The following TMTC2 variants were observed in gnomAD, a reference collection of about 807,000 sequenced individuals.
The protein encoded by TMTC2 is transmembrane O-mannosyltransferase targeting cadherins 2, also known as protein O-mannosyl-transferase TMTC2.
TMTC2 carries 43 observed loss-of-function variants against 82.4 expected under a neutral mutation model. The observed-to-expected ratio is 0.52, with a 90% confidence interval of 0.41 to 0.67. The LOEUF is 0.67. Ranked by LOEUF, TMTC2 falls within the 30% of genes least tolerant of loss-of-function variation. The pLI is 0.00. For synonymous variants in TMTC2, 408 were observed against 381.9 expected, an observed-to-expected ratio of 1.07 and a Z score of -0.80; for missense variants, 919 against 1,012.4, an observed-to-expected ratio of 0.91 and a Z score of 1.25.
At chr12:82,786,029 T>G (rs1184804479) in intron 1 of TMTC2, among the ~76,000 whole-genome samples, 1 of 152,106 alleles carries the variant, frequency 6.6e-6, no homozygotes, top group Non-Finnish European at 1.5e-5. Flanking sequence ...TTAAGTGTTT[T>G]TCATTGCCTG....
chr12:82,987,435 AG>A lies in TMTC2; in HGVS notation c.2070+1390del, dbSNP rs1879202424. Among the ~76,000 whole-genome samples the A allele has an allele frequency of 4.4e-3, 660 of 149,720 alleles. 7 individuals carry two copies. Among genetic ancestry groups the A allele is most frequent in the African/African-American group, 0.016 (634 of 40,498 alleles). The stretch of plus-strand genomic sequence containing the variant: ...ACTCCATCTCAAAAAAAAAAAAAAA[AG>A]AGAAAAAAAAAAAAGAAATCATATA... On this transcript the variant is annotated intron_variant, in intron 8 of 11. Coordinates refer to ENST00000321196, the MANE Select transcript of TMTC2 (RefSeq NM_152588.3).
At chr12:82,783,290 C>CTATGTGTGTGTGTG (rs1877999846) in intron 1 of TMTC2, among the ~76,000 whole-genome samples, 3 of 119,274 alleles carry the variant, frequency 2.5e-5, no homozygotes, top group African/African-American at 9.6e-5. Context: ...GTATATGCCT[C>CTATGTGTGTGTGTG]TGTGTGTGTG....
At chr12:82,926,008 A>C (rs1346090366) in intron 3 of TMTC2, among the ~76,000 whole-genome samples, 2 of 147,294 alleles carry the variant, frequency 1.4e-5, no homozygotes, top group African/African-American at 2.5e-5. Context: ...TTTTTGACAG[A>C]GTCTCACTCT....
intron 1 of TMTC2, among the ~76,000 whole-genome samples, chr12:82,749,457 C>G (rs540797627): frequency 3.9e-5 from 6 of 152,230 alleles, no homozygotes; most frequent in African/African-American, 1.4e-4. Flanking sequence ...GTTTAAAAAT[C>G]TGGACACAGC....
intron 8 of TMTC2, among the ~76,000 whole-genome samples, chr12:83,015,896 C>T (rs1880656640): frequency 1.3e-5 from 2 of 152,142 alleles, no homozygotes; most frequent in African/African-American, 2.4e-5. Context: ...GCCATTTGTG[C>T]GTGTTTTCCC....
chr12:83,033,805 CATAT>C (rs753840745), intron 9 of TMTC2, among the ~76,000 whole-genome samples: 2,911 of 137,238 alleles, frequency 0.021, 31 homozygotes, highest in Non-Finnish European at 0.025. Context: ...TATATATACA[CATAT>C]ATGTGTGTGT....
chr12:82,759,982 G>A (rs1015131668), intron 1 of TMTC2: 21 of 152,120 alleles, frequency 1.4e-4, no homozygotes, highest in African/African-American at 2.4e-5. Context: ...CAGAAGTACC[G>A]TGTATCTCAA....
At chr12:83,040,784 A>G (rs375244850) in intron 9 of TMTC2, among the ~76,000 whole-genome samples, 8 of 148,326 alleles carry the variant, frequency 5.4e-5, no homozygotes, top group African/African-American at 2.0e-4. Context: ...TCCCGGGTTC[A>G]TGCCATTCTC....
At position 82,827,668 on chromosome 12, in the gene TMTC2, CTTTTCTTTCTTTTA is replaced by C. The variant is rs1464585832; in HGVS notation, c.84-29329_84-29316del. Among the ~76,000 whole-genome samples, 3 of 151,122 alleles carry C rather than the reference CTTTTCTTTCTTTTA, an allele frequency of 2.0e-5. No individual in the cohort carries two copies. In the South Asian group the frequency reaches 6.3e-4, roughly 32 times the overall value. ...TCTTCTTTCTTTTTTCTTTTCTTTT[CTTTTCTTTCTTTTA>C]TTTTCTTTCTTTCTTTCTCTCTTTC... is the stretch of plus-strand genomic sequence containing the variant. On this transcript the variant is annotated intron_variant, in intron 1 of 11. Coordinates refer to ENST00000321196, the MANE Select transcript of TMTC2 (RefSeq NM_152588.3).
At chr12:83,100,733 G>T (rs1884190009) in intron 11 of TMTC2, among the ~76,000 whole-genome samples, 1 of 151,664 alleles carries the variant, frequency 6.6e-6, no homozygotes, top group Non-Finnish European at 1.5e-5. Flanking sequence ...GAATGTATGT[G>T]GGCCTATTCT....
chr12:82,924,608 G>T (rs1292380606), intron 3 of TMTC2, among the ~76,000 whole-genome samples: 1 of 152,166 alleles, frequency 6.6e-6, no homozygotes, highest in African/African-American at 2.4e-5. Context: ...CCTAGTTTCA[G>T]ATTGTGACTT....
At chr12:83,090,928 C>T (rs1883826561) in intron 11 of TMTC2, among the ~76,000 whole-genome samples, 2 of 152,294 alleles carry the variant, frequency 1.3e-5, no homozygotes, top group South Asian at 4.1e-4. Flanking sequence ...GTCAATTTCA[C>T]ATTGCTTTCA....
chr12:83,030,894 G>T lies in TMTC2; in HGVS notation c.2152+15G>T. ...CATGCATTATGGTGAGTGGTTGATA[G>T]TTTTTTTTCCATGTCCCCCACATTT... On this transcript the variant is annotated intron_variant, in intron 9 of 11. Transcript: ENST00000321196. 6.3e-7 allele frequency: 1 copy of T among 1,592,896 alleles called. No homozygotes were observed. Among genetic ancestry groups the T allele is most frequent in the Non-Finnish European group, 8.6e-7 (1 of 1,161,254 alleles).
rs909753024 is a variant in TMTC2, at chr12:83,133,169, C to G, written c.*780C>G. ...TCGTCAATATTTTCCCCCAAACTGCCCAGTAGAATTCATTGTATTAATTCT... is the reference window on the plus strand; with the variant it reads ...TCGTCAATATTTTCCCCCAAACTGCGCAGTAGAATTCATTGTATTAATTCT... On this transcript the variant is annotated 3_prime_UTR_variant, in exon 12 of 12. Coordinates refer to ENST00000321196, the MANE Select transcript of TMTC2 (RefSeq NM_152588.3). The G allele has an allele frequency of 6.6e-6, 1 of 152,092 alleles. No individual in the cohort carries two copies. Among genetic ancestry groups the G allele is most frequent in the African/African-American group, 2.4e-5 (1 of 41,398 alleles). 9.4% of individuals were successfully genotyped at this position (152,092 alleles called of 1,614,324 possible). A position where few individuals can be genotyped will look rare whatever the true frequency, so the allele number is the denominator to read the frequency against.
chr12:82,861,069 C>A (rs1309557834), intron 2 of TMTC2, among the ~76,000 whole-genome samples: 4 of 152,214 alleles, frequency 2.6e-5, no homozygotes, highest in Middle Eastern at 3.2e-3. Flanking sequence ...TCCTAGTTAT[C>A]ATGGTTTGCC....
At chr12:82,899,010 CAGTT>C (rs1244681118) in intron 3 of TMTC2, among the ~76,000 whole-genome samples, 3 of 152,192 alleles carry the variant, frequency 2.0e-5, no homozygotes, top group Non-Finnish European at 4.4e-5. Flanking sequence ...TTTTGGTACA[CAGTT>C]AGAATGTTTG....
At chr12:82,929,393 C>T (rs1289888256) in intron 3 of TMTC2, among the ~76,000 whole-genome samples, 1 of 152,156 alleles carries the variant, frequency 6.6e-6, no homozygotes, top group Non-Finnish European at 1.5e-5. Flanking sequence ...TATATTAACA[C>T]ACTTCATCAT....
intron 8 of TMTC2, among the ~76,000 whole-genome samples, chr12:82,989,385 G>A (rs1362467963): frequency 6.6e-6 from 1 of 151,912 alleles, no homozygotes; most frequent in Non-Finnish European, 1.5e-5. Context: ...CCTGGGAAAA[G>A]TTGTTTTACC....
intron 1 of TMTC2, among the ~76,000 whole-genome samples, chr12:82,744,581 TAA>T (rs369793885): frequency 8.7e-6 from 1 of 115,500 alleles, no homozygotes; most frequent in African/African-American, 3.2e-5. Context: ...ACTCTGACTC[TAA>T]AAAAAAAAAA....
Sources: gnomAD v4.1 joint callset for allele counts (sites outside exome capture counted in the v4.1 genomes callset) on GRCh38, gnomAD v4.1.1 for gene constraint, MANE v1.5 for transcripts, NCBI Gene and HGNC (gene_info 2026-07-23, HGNC 2026-07-21) for gene names.